Variants in ADAM12 observed in about 807,000 individuals in gnomAD.
ADAM12 encodes the protein ADAM metallopeptidase domain 12.
In ADAM12, 70 loss-of-function variants were observed where a neutral mutation model predicts 106.4. That is an observed-to-expected ratio of 0.66 (90% CI 0.54 to 0.80). The LOEUF (loss-of-function observed/expected upper bound fraction) is 0.80, where lower values mean the gene tolerates loss of function less well. Ranked by LOEUF, ADAM12 falls within the 30% of genes least tolerant of loss-of-function variation. The pLI is 0.00. For missense variants in ADAM12, 1,010 were observed against 1,171.9 expected, an observed-to-expected ratio of 0.86 and a Z score of 2.02; for synonymous variants, 420 against 433.5, an observed-to-expected ratio of 0.97 and a Z score of 0.39.
At chr10:126,172,083 T>A (rs1363745975) in intron 3 of ADAM12, among the ~76,000 whole-genome samples, 1 of 152,210 alleles carries the variant, frequency 6.6e-6, no homozygotes, top group Non-Finnish European at 1.5e-5. Context: ...AGTTTCATTT[T>A]AAAAAATACT....
At chr10:126,210,421 G>A (rs1055022677) in intron 3 of ADAM12, among the ~76,000 whole-genome samples, 6 of 152,148 alleles carry the variant, frequency 3.9e-5, no homozygotes, top group African/African-American at 1.2e-4. Context: ...CCTAGCACCC[G>A]ACCCTGGCAG....
intron 1 of ADAM12, among the ~76,000 whole-genome samples, chr10:126,353,677 TACTA>T (rs146112696): frequency 1.0e-3 from 152 of 152,342 alleles, no homozygotes; most frequent in African/African-American, 3.5e-3. Flanking sequence ...ACTCTTCTAA[TACTA>T]ACCACTATTT....
intron 1 of ADAM12, among the ~76,000 whole-genome samples, chr10:126,340,394 C>T (rs1317172115): frequency 6.6e-6 from 1 of 152,138 alleles, no homozygotes; most frequent in Non-Finnish European, 1.5e-5. Context: ...TGTTTAAACC[C>T]AACAACAACC....
chr10:126,104,998 C>T (rs1955737530), intron 8 of ADAM12, among the ~76,000 whole-genome samples: 1 of 152,116 alleles, frequency 6.6e-6, no homozygotes, highest in Non-Finnish European at 1.5e-5. Flanking sequence ...TTGGAAGCAC[C>T]AAGTCTCCCA....
chr10:126,103,880 T>C (rs1955714824), intron 8 of ADAM12, among the ~76,000 whole-genome samples: 1 of 152,142 alleles, frequency 6.6e-6, no homozygotes, highest in South Asian at 2.1e-4. Flanking sequence ...AGAGCAAAGA[T>C]TTGGATGCCC....
chr10:126,354,701 A>G (rs1855477035), intron 1 of ADAM12, among the ~76,000 whole-genome samples: 1 of 152,220 alleles, frequency 6.6e-6, no homozygotes, highest in African/African-American at 2.4e-5. Context: ...AGAAAGCTCC[A>G]CCACATAGAC....
At chr10:126,267,975 A>T (rs1424867086) in intron 3 of ADAM12, among the ~76,000 whole-genome samples, 1 of 152,182 alleles carries the variant, frequency 6.6e-6, no homozygotes, top group Non-Finnish European at 1.5e-5. Flanking sequence ...TACACATAAC[A>T]TAAAATTTAT....
At chr10:126,138,672 G>A (rs1436348923) in intron 4 of ADAM12, among the ~76,000 whole-genome samples, 1 of 152,088 alleles carries the variant, frequency 6.6e-6, no homozygotes, top group African/African-American at 2.4e-5. Flanking sequence ...CATCAGAACT[G>A]GCCCCTTTTA....
intron 1 of ADAM12, among the ~76,000 whole-genome samples, chr10:126,338,353 C>T (rs1317413710): frequency 3.4e-5 from 5 of 147,612 alleles, no homozygotes; most frequent in East Asian, 4.1e-4. Flanking sequence ...CCCGGGTTCC[C>T]GCCATTCTCC....
At chr10:126,375,412 A>G (rs1349767243) in intron 1 of ADAM12, among the ~76,000 whole-genome samples, 1 of 152,146 alleles carries the variant, frequency 6.6e-6, no homozygotes, top group Non-Finnish European at 1.5e-5. Flanking sequence ...TGGCAGAACT[A>G]AAATTCTAGA....
intron 3 of ADAM12, among the ~76,000 whole-genome samples, chr10:126,203,356 C>T (rs1957735975): frequency 6.6e-6 from 1 of 152,150 alleles, no homozygotes; most frequent in African/African-American, 2.4e-5. Flanking sequence ...TAGCTTGGTT[C>T]AGTTGTTACT....
chr10:126,240,850 C>T (rs1488476312), intron 3 of ADAM12, among the ~76,000 whole-genome samples: 1 of 152,212 alleles, frequency 6.6e-6, no homozygotes, highest in Non-Finnish European at 1.5e-5. Context: ...CAGAGCCCCC[C>T]GGGAGCTCCA....
intron 1 of ADAM12, among the ~76,000 whole-genome samples, chr10:126,339,661 G>C (rs1397710837): frequency 6.6e-6 from 1 of 152,196 alleles, no homozygotes; most frequent in Middle Eastern, 3.4e-3. Context: ...AAAACCCCAA[G>C]GCAGTAGAGT....
intron 3 of ADAM12, among the ~76,000 whole-genome samples, chr10:126,239,288 C>T (rs1958477711): frequency 6.6e-6 from 1 of 152,110 alleles, no homozygotes; most frequent in African/African-American, 2.4e-5. Context: ...TCATTGTTTC[C>T]ATGTATCTAT....
chr10:126,305,899 G>A (rs1735473328), intron 2 of ADAM12, among the ~76,000 whole-genome samples: 1 of 151,822 alleles, frequency 6.6e-6, no homozygotes, highest in Admixed American at 6.6e-5. Flanking sequence ...ATTTTGATGT[G>A]TTTGCTTGCA....
At chr10:126,292,031 G>A (rs922089508) in intron 2 of ADAM12, among the ~76,000 whole-genome samples, 1 of 151,642 alleles carries the variant, frequency 6.6e-6, no homozygotes, top group Non-Finnish European at 1.5e-5. Flanking sequence ...ATGAAGCCCA[G>A]ACATACTTAT....
At chr10:126,084,956 G>C (rs963952218) in intron 11 of ADAM12, among the ~76,000 whole-genome samples, 1 of 152,220 alleles carries the variant, frequency 6.6e-6, no homozygotes, top group Non-Finnish European at 1.5e-5. Context: ...TATTTTTAGG[G>C]CTGTGACAAT....
At position 126,108,650 on chromosome 10, in the gene ADAM12, T is replaced by C; in HGVS notation, c.684A>G (p.Gly228=). The change falls in exon 8 of 23, where the codon GGA becomes GGG. Residue 228 remains glycine, a synonymous_variant. Transcript: ENST00000448723. ...VADNREFQRQ[G]KDLEKVKQRL... ...GCTGCTTAACTTTTTCCAGATCTTTTCCTTGCCTCTGAAACTTAACAATTT... is the reference window on the plus strand; with the variant it reads ...GCTGCTTAACTTTTTCCAGATCTTTCCCTTGCCTCTGAAACTTAACAATTT... 1 of 1,614,046 alleles carries C rather than the reference T, an allele frequency of 6.2e-7. No homozygotes were observed. Among genetic ancestry groups the C allele is most frequent in the Non-Finnish European group, 8.5e-7 (1 of 1,179,874 alleles).
intron 3 of ADAM12, among the ~76,000 whole-genome samples, chr10:126,267,494 C>T (rs7917214): frequency 7.2e-5 from 11 of 152,280 alleles, no homozygotes; most frequent in South Asian, 2.1e-4. Flanking sequence ...TGGGAGACAG[C>T]GACAGATCAT....
Sources: gnomAD v4.1 joint callset for allele counts (sites outside exome capture counted in the v4.1 genomes callset) on GRCh38, gnomAD v4.1.1 for gene constraint, MANE v1.5 for transcripts, NCBI Gene and HGNC (gene_info 2026-07-23, HGNC 2026-07-21) for gene names.